GPRC6A: variants seen among roughly 807,000 people sequenced by gnomAD.
GPRC6A encodes the protein G protein-coupled receptor family C group 6 member A.
GPRC6A carries 54 observed loss-of-function variants against 47.0 expected under a neutral mutation model. The observed-to-expected ratio is 1.15, with a 90% CI of 0.92 to 1.44. GPRC6A has a LOEUF of 1.44. Ranked by LOEUF, GPRC6A falls within the 40% of genes most tolerant of loss-of-function variation. GPRC6A has a pLI of 0.00. For missense variants in GPRC6A, 1,112 were observed against 1,105.5 expected (o/e 1.01, Z -0.08); for synonymous variants, 347 against 377.1 (o/e 0.92, Z 0.93).
intron 1 of GPRC6A, 87 bp downstream of exon 1, chr6:116,828,733 T>G: frequency 9.3e-7 from 1 of 1,075,966 alleles, no homozygotes; most frequent in Non-Finnish European, 1.3e-6. Flanking sequence ...TTTTAAATGA[T>G]TTAGATATTA....
chr6:116,817,406 C>G (rs1378975833), intron 1 of GPRC6A, among the ~76,000 whole-genome samples: 3 of 150,746 alleles, frequency 2.0e-5, no homozygotes, highest in Non-Finnish European at 4.5e-5. Context: ...TCATCAAAGA[C>G]CAAAAGTAGA....
intron 2 of GPRC6A, among the ~76,000 whole-genome samples, chr6:116,809,021 G>A (rs1025139014): frequency 3.9e-5 from 6 of 152,126 alleles, no homozygotes; most frequent in African/African-American, 1.4e-4. Flanking sequence ...CTCTTACTAT[G>A]TTTCCTTTTG....
At chr6:116,812,771 G>C (rs1026265753) in intron 1 of GPRC6A, among the ~76,000 whole-genome samples, 2 of 152,154 alleles carry the variant, frequency 1.3e-5, no homozygotes, top group African/African-American at 4.8e-5. Flanking sequence ...AATCAGGCAA[G>C]ATAAAGAAAT....
chr6:116,813,484 T>C (rs1023320797), intron 1 of GPRC6A, among the ~76,000 whole-genome samples: 3 of 151,938 alleles, frequency 2.0e-5, no homozygotes, highest in African/African-American at 4.8e-5. Flanking sequence ...CTTTGATAAA[T>C]CTGATAAAAA....
In GPRC6A at chr6:116,795,812, C is replaced by G; in HGVS notation, c.1572G>C (p.Lys524Asn). The change falls in exon 5 of 6, where the codon AAG (lysine) becomes AAC (asparagine). Residue 524 changes from lysine (K) to asparagine (N), a missense_variant. Lys to Asn is a moderately conservative substitution (Grantham distance 94, BLOSUM62 0). Transcript: ENST00000310357. ...NLKQIQSKCS[K>N]ECSPGQMKKT... ...TCTTCATTTGCCCAGGACTGCATTC[C>G]TTGGAGCATTTAGATTGAATTTGCT... 1 of 1,601,808 alleles carries G rather than the reference C, an allele frequency of 6.2e-7. No individual in the cohort carries two copies. The highest frequency in any genetic ancestry group is 8.5e-7 in the Non-Finnish European group (1 of 1,172,318).
chr6:116,801,478 G>T (rs529926254), intron 3 of GPRC6A, among the ~76,000 whole-genome samples: 15 of 152,134 alleles, frequency 9.9e-5, no homozygotes, highest in African/African-American at 3.6e-4. Flanking sequence ...TAATATATAA[G>T]TATGTCAAGT....
rs537729186 is a variant in GPRC6A, at chr6:116,813,855, C to T, written c.195-4238G>A. ...AATGGGAGAAAATTATTGCAATCTACCCACCTGAGAAAGGGCTAATATCTA... is the reference window on the plus strand; with the variant it reads ...AATGGGAGAAAATTATTGCAATCTATCCACCTGAGAAAGGGCTAATATCTA... On this transcript the variant is annotated intron_variant, in intron 1 of 5. Transcript: ENST00000310357. Among the ~76,000 whole-genome samples the T allele has an allele frequency of 3.3e-5, 5 of 152,208 alleles. No homozygotes were observed. The East Asian group carries it at 5.8e-4, about 18-fold the overall frequency.
intron 2 of GPRC6A, 149 bp from the exon 3 acceptor site, chr6:116,807,355 G>A (rs1772883139): frequency 6.6e-6 from 4 of 610,508 alleles, no homozygotes; most frequent in Non-Finnish European, 1.2e-5. Flanking sequence ...CTTAGCCCCT[G>A]ATGATGGTTT....
chr6:116,806,525 T>A lies in GPRC6A; in HGVS notation c.1180A>T (p.Arg394Trp), dbSNP rs1772843358. The change falls in exon 3 of 6, where the codon AGG becomes TGG. Residue 394 changes from arginine to tryptophan, a missense_variant. Transcript: ENST00000310357. Reference sequence around the variant, plus strand: ...AAGTCATTTCTCATGACGAAGTTCCTTTCTATAGCCTTGTTAGCCTTGTAG... The same window carrying A: ...AAGTCATTTCTCATGACGAAGTTCCATTCTATAGCCTTGTTAGCCTTGTAG... ...LAYKANKAIE[R>W]NFVMRNDFLW... 1 of 1,613,534 alleles carries A rather than the reference T, an allele frequency of 6.2e-7. No individual in the cohort carries two copies. Among genetic ancestry groups the A allele is most frequent in the Non-Finnish European group, 8.5e-7 (1 of 1,179,760 alleles).
chr6:116,819,947 T>G (rs1364978260), intron 1 of GPRC6A, among the ~76,000 whole-genome samples: 1 of 148,700 alleles, frequency 6.7e-6, no homozygotes, highest in Non-Finnish European at 1.5e-5. Context: ...ATCAACAAAA[T>G]TGATAGACCG....
chr6:116,816,943 G>A (rs1773236627), intron 1 of GPRC6A, among the ~76,000 whole-genome samples: 1 of 152,204 alleles, frequency 6.6e-6, no homozygotes, highest in East Asian at 1.9e-4. Context: ...ACTGCAAGGT[G>A]GCAGCGAGGC....
chr6:116,812,907 A>C (rs1480157149), intron 1 of GPRC6A, among the ~76,000 whole-genome samples: 1 of 152,236 alleles, frequency 6.6e-6, no homozygotes, highest in East Asian at 1.9e-4. Flanking sequence ...AACTTCAGCA[A>C]AGTCTCAGAA....
rs1186863806 is a variant in GPRC6A at position 116,792,635 on chromosome 6, G to A, written c.2288C>T (p.Ala763Val). The A allele has an allele frequency of 6.2e-7, 1 of 1,613,368 alleles. No individual in the cohort carries two copies. Among genetic ancestry groups the A allele is most frequent in the Non-Finnish European group, 8.5e-7 (1 of 1,179,598 alleles). ...GAAAGCAAATATGAAGCAAATGAAG[G>A]CCAGGATGGCAATGTAGCCCAGCAT... is the stretch of plus-strand genomic sequence containing the variant. ...GTMLGYIAIL[A>V]FICFIFAFKG... The change falls in exon 6 of 6, where the codon GCC becomes GTC. Residue 763 changes from alanine (A) to valine (V), a missense_variant. Transcript: ENST00000310357.
At chr6:116,798,509 C>T (rs983773877) in intron 4 of GPRC6A, among the ~76,000 whole-genome samples, 1 of 152,090 alleles carries the variant, frequency 6.6e-6, no homozygotes, top group Non-Finnish European at 1.5e-5. Flanking sequence ...ATGGCTTTTA[C>T]TCTCAGAGAA....
chr6:116,808,045 G>A (rs1772910844), intron 2 of GPRC6A, among the ~76,000 whole-genome samples: 1 of 151,224 alleles, frequency 6.6e-6, no homozygotes, highest in Non-Finnish European at 1.5e-5. Flanking sequence ...GTGATGGAAA[G>A]ACAATAGGCT....
rs761310741 is a variant in GPRC6A, at chr6:116,806,990, T to G, written c.715A>C (p.Ile239Leu). ...IIQAEANNVCIAFKEVLPAFL... is the reference protein window; with the variant it reads ...IIQAEANNVCLAFKEVLPAFL... The stretch of plus-strand genomic sequence containing the variant: ...GCTGGAAGAACCTCTTTGAAGGCTA[T>G]GCACACGTTATTTGCTTCAGCCTGA... Residue 239 changes from isoleucine to leucine, a missense_variant, in exon 3 of 6, where the codon ATA becomes CTA. Ile to Leu is a conservative substitution (Grantham distance 5). Coordinates refer to ENST00000310357, the MANE Select transcript of GPRC6A (RefSeq NM_148963.4). The G allele has an allele frequency of 6.2e-7, 1 of 1,613,646 alleles. No individual in the cohort carries two copies. The highest frequency in any genetic ancestry group is 8.5e-7 in the Non-Finnish European group (1 of 1,179,672).
chr6:116,792,516 C>G lies in GPRC6A; in HGVS notation c.2407G>C (p.Ala803Pro). 7 of 1,613,764 alleles carry G rather than the reference C, an allele frequency of 4.3e-6. No homozygotes were observed. Among genetic ancestry groups the G allele is most frequent in the Non-Finnish European group, 5.9e-6 (7 of 1,179,826 alleles). Reference sequence around the variant, plus strand: ...GGTACATATTTGCCAAATGTGGTAGCATAGATAGGGATGAATGTGATCCAA... The same window carrying G: ...GGTACATATTTGCCAAATGTGGTAGGATAGATAGGGATGAATGTGATCCAA... ...IAWITFIPIY[A>P]TTFGKYVPAV... is the part of the protein sequence containing the mutation. The change falls in exon 6 of 6, where the codon GCT (alanine) becomes CCT (proline). Residue 803 changes from alanine (A) to proline (P), a missense_variant. By Grantham distance (27) the Ala-to-Pro change is conservative (BLOSUM62 -1). Transcript: ENST00000310357.
chr6:116,823,095 G>A (rs1242381435), intron 1 of GPRC6A, among the ~76,000 whole-genome samples: 1 of 151,892 alleles, frequency 6.6e-6, no homozygotes, highest in East Asian at 1.9e-4. Context: ...ATTTTTGTTT[G>A]TTTGTTTGTT....
At chr6:116,826,732 AAGGG>A (rs1773690574) in intron 1 of GPRC6A, among the ~76,000 whole-genome samples, 3 of 151,938 alleles carry the variant, frequency 2.0e-5, no homozygotes, top group Non-Finnish European at 4.4e-5. Context: ...CAGTATACTA[AAGGG>A]ATACCTGCAC....
Sources: gnomAD v4.1 joint callset for allele counts (sites outside exome capture counted in the v4.1 genomes callset) on GRCh38, gnomAD v4.1.1 for gene constraint, MANE v1.5 for transcripts, NCBI Gene and HGNC (gene_info 2026-07-23, HGNC 2026-07-21) for gene names.